CEP63: variants seen among roughly 807,000 people sequenced by gnomAD.
CEP63 encodes centrosomal protein 63.
In CEP63, 84 loss-of-function variants were observed where a neutral mutation model predicts 89.1. The observed-to-expected ratio is 0.94, with a 90% CI of 0.79 to 1.13. The LOEUF is 1.13. Ranked by LOEUF, CEP63 falls within the 50% of genes most tolerant of loss-of-function variation. The pLI, the probability that CEP63 is intolerant of heterozygous loss-of-function variation, is 0.00. For synonymous variants in CEP63, 267 were observed against 272.5 expected (o/e 0.98, Z 0.20); for missense variants, 838 against 813.3 (o/e 1.03, Z -0.37).
chr3:134,591,872 G>T (rs1958602678), downstream of CEP63, among the ~76,000 whole-genome samples: 1 of 140,884 alleles, frequency 7.1e-6, no homozygotes. Context: ...CAGAGCCAGA[G>T]CCAGACCCTG....
chr3:134,658,053 C>T, the CEP63 span, among the ~76,000 whole-genome samples: 30 of 152,194 alleles, frequency 2.0e-4, no homozygotes, highest in African/African-American at 3.9e-4. Context: ...TGTGCCACCA[C>T]GCCCGGCTAA....
At chr3:134,764,990 A>T in the CEP63 span, among the ~76,000 whole-genome samples, 7 of 152,292 alleles carry the variant, frequency 4.6e-5, no homozygotes, top group Non-Finnish European at 7.3e-5. Context: ...ATGACAGTAC[A>T]GTGGTTCTCA....
At chr3:134,688,624 G>C in the CEP63 span, among the ~76,000 whole-genome samples, 1 of 152,190 alleles carries the variant, frequency 6.6e-6, no homozygotes, top group Non-Finnish European at 1.5e-5. Flanking sequence ...TGCCTTATTT[G>C]ACAGGTGCAC....
the CEP63 span, among the ~76,000 whole-genome samples, chr3:134,714,739 C>G: frequency 2.6e-5 from 4 of 152,250 alleles, no homozygotes; most frequent in African/African-American, 9.6e-5. Flanking sequence ...GTAACCACCA[C>G]AGTCTTGGGC....
the CEP63 span, among the ~76,000 whole-genome samples, chr3:134,673,465 C>T: frequency 3.9e-5 from 6 of 152,272 alleles, no homozygotes; most frequent in South Asian, 4.1e-4. Context: ...GGCTCTCTCA[C>T]TACCTCCCAG....
In CEP63 at chr3:134,532,784, A is replaced by G. The variant is rs766200427; in HGVS notation, c.325A>G (p.Ile109Val). The change falls in exon 5 of 15, where the codon ATA becomes GTA. Residue 109 changes from isoleucine to valine, a missense_variant. By Grantham distance (29) the Ile-to-Val change is conservative. Transcript: ENST00000675561. The part of the protein sequence containing the change: ...ELKKLHEELC[I>V]LKRSYEKLQK... ...GAAATAACTGTTTCTACAGTTATGC[A>G]TACTGAAGAGAAGCTATGAAAAGCT... The G allele has an allele frequency of 1.9e-6, 3 of 1,601,008 alleles. No individual in the cohort carries two copies. Among genetic ancestry groups the G allele is most frequent in the Admixed American group, 1.7e-5 (1 of 59,992 alleles).
the CEP63 span, chr3:134,603,658 T>C: frequency 6.2e-7 from 1 of 1,613,470 alleles, no homozygotes; most frequent in African/African-American, 1.3e-5. Context: ...GACATAGACT[T>C]CCTGGCAGCC....
At chr3:134,601,070 C>T in the CEP63 span, 1 of 152,316 alleles carries the variant, frequency 6.6e-6, no homozygotes, top group African/African-American at 2.4e-5. Context: ...GCCCGGGAAA[C>T]AAAGATGGGG....
chr3:134,519,443 T>G (rs1243480049), intron 3 of CEP63, among the ~76,000 whole-genome samples: 2 of 152,192 alleles, frequency 1.3e-5, no homozygotes, highest in African/African-American at 4.8e-5. Context: ...TGAATTGAAT[T>G]TGTTATTGAA....
chr3:134,685,887 G>A, the CEP63 span, among the ~76,000 whole-genome samples: 4 of 152,216 alleles, frequency 2.6e-5, no homozygotes, highest in African/African-American at 9.6e-5. Context: ...TAAAGTGGGG[G>A]CACCTCTCCC....
chr3:134,555,612 G>T (rs569699735), intron 12 of CEP63, among the ~76,000 whole-genome samples: 1 of 151,964 alleles, frequency 6.6e-6, no homozygotes, highest in Non-Finnish European at 1.5e-5. Context: ...CACTGCTCAA[G>T]GAAATAAAAC....
the CEP63 span, among the ~76,000 whole-genome samples, chr3:134,723,309 G>A: frequency 2.0e-4 from 30 of 152,252 alleles, no homozygotes; most frequent in African/African-American, 6.7e-4. Context: ...CTAGTTCCAA[G>A]CCCTAAGCCT....
chr3:134,732,450 T>C, the CEP63 span, among the ~76,000 whole-genome samples: 5,996 of 152,006 alleles, frequency 0.039, 403 homozygotes, highest in African/African-American at 0.14. Flanking sequence ...GAAGAAAATG[T>C]AATAAGAGTT....
At chr3:134,576,026 G>A (rs957987369), downstream of CEP63, among the ~76,000 whole-genome samples, 1 of 152,172 alleles carries the variant, frequency 6.6e-6, no homozygotes, top group Non-Finnish European at 1.5e-5. Context: ...GCAGAGAAAT[G>A]CAATGACTTT....
chr3:134,615,937 AC>A, the CEP63 span, among the ~76,000 whole-genome samples: 2 of 152,140 alleles, frequency 1.3e-5, no homozygotes, highest in African/African-American at 4.8e-5. Flanking sequence ...ATTGGTGACA[AC>A]CAACTCCCTC....
At chr3:134,729,214 A>G in the CEP63 span, among the ~76,000 whole-genome samples, 1 of 152,188 alleles carries the variant, frequency 6.6e-6, no homozygotes, top group African/African-American at 2.4e-5. Flanking sequence ...GCCCTAAACC[A>G]CTACATTTTG....
chr3:134,532,129 A>G lies in CEP63; in HGVS notation c.318+189A>G, dbSNP rs187347641. Among the ~76,000 whole-genome samples, 6 of 152,350 alleles carry G rather than the reference A, an allele frequency of 3.9e-5. No individual in the cohort carries two copies. In the East Asian group the frequency reaches 1.2e-3, roughly 29 times the overall value. On this transcript the variant is annotated intron_variant, in intron 4 of 14. Transcript: ENST00000675561. The stretch of plus-strand genomic sequence containing the variant: ...AGAGGTTTGCCTAACTGTAGGTTTG[A>G]TACTACCTAGAAGAGATGCTAAAAT...
intron 12 of CEP63, 90 bp from the exon 13 acceptor site, chr3:134,558,052 C>G (rs1397409276): frequency 1.1e-5 from 12 of 1,142,638 alleles, no homozygotes; most frequent in Non-Finnish European, 1.6e-5. Context: ...CTACTTACAA[C>G]TAAAAAACAC....
chr3:134,549,863 TA>T, intron 10 of CEP63, among the ~76,000 whole-genome samples, 199 bp from the exon 11 acceptor site: 1 of 152,222 alleles, frequency 6.6e-6, no homozygotes, highest in Admixed American at 6.5e-5. Context: ...TGAGGTATAA[TA>T]AATGATTGTA....
Sources: gnomAD v4.1 joint callset for allele counts (sites outside exome capture counted in the v4.1 genomes callset) on GRCh38, gnomAD v4.1.1 for gene constraint, MANE v1.5 for transcripts, NCBI Gene and HGNC (gene_info 2026-07-23, HGNC 2026-07-21) for gene names.